Variants in DCC observed in about 807,000 individuals in gnomAD.
The protein encoded by DCC is DCC netrin 1 receptor, also known as netrin receptor DCC.
In DCC, 58 loss-of-function variants were observed where a neutral mutation model predicts 172.5. The observed-to-expected ratio is 0.34, with a 90% CI of 0.27 to 0.42. The LOEUF (loss-of-function observed/expected upper bound fraction) is 0.42, where lower values mean the gene tolerates loss of function less well. DCC is among the 10% of genes least tolerant of loss of function. The pLI, the probability that DCC is intolerant of heterozygous loss-of-function variation, is 1.00. For missense variants in DCC, 1,740 were observed against 1,791.0 expected (o/e 0.97, Z 0.51); for synonymous variants, 709 against 644.5 (o/e 1.10, Z -1.52).
At chr18:53,073,963 TACTA>T (rs2042689818) in intron 7 of DCC, among the ~76,000 whole-genome samples, 1 of 151,822 alleles carries the variant, frequency 6.6e-6, no homozygotes, top group African/African-American at 2.4e-5. Context: ...GATTCTGACA[TACTA>T]ACTTCACTGA....
chr18:52,598,025 G>A (rs1296230276), intron 1 of DCC, among the ~76,000 whole-genome samples: 1 of 152,122 alleles, frequency 6.6e-6, no homozygotes, highest in African/African-American at 2.4e-5. Flanking sequence ...TTGCATGTTA[G>A]GCAGTATAAC....
intron 14 of DCC, among the ~76,000 whole-genome samples, chr18:53,334,973 A>G (rs751612615): frequency 6.6e-6 from 1 of 152,170 alleles, no homozygotes; most frequent in South Asian, 2.1e-4. Flanking sequence ...TTGCAGGATC[A>G]TATGTTAATT....
intron 1 of DCC, among the ~76,000 whole-genome samples, chr18:52,549,951 G>A (rs1216323873): frequency 1.3e-5 from 2 of 151,858 alleles, no homozygotes; most frequent in South Asian, 2.1e-4. Flanking sequence ...CTTCCTCAGT[G>A]TAGTGTTTAA....
chr18:52,776,661 C>G (rs2037440393), intron 2 of DCC, among the ~76,000 whole-genome samples: 1 of 152,072 alleles, frequency 6.6e-6, no homozygotes, highest in Non-Finnish European at 1.5e-5. Context: ...AGTGGATCTA[C>G]TATACGATTT....
chr18:52,958,076 A>G (rs377481366), intron 5 of DCC, among the ~76,000 whole-genome samples: 1 of 152,094 alleles, frequency 6.6e-6, no homozygotes, highest in Admixed American at 6.6e-5. Context: ...AAAGCACACA[A>G]AAAAAATGGA....
chr18:53,511,419 G>A (rs891049433), intron 27 of DCC, among the ~76,000 whole-genome samples: 2 of 152,204 alleles, frequency 1.3e-5, no homozygotes, highest in Non-Finnish European at 2.9e-5. Flanking sequence ...CTTAACAAAT[G>A]CAATTCTTGT....
At chr18:53,490,213 A>C (rs895282221) in intron 26 of DCC, among the ~76,000 whole-genome samples, 4 of 146,540 alleles carry the variant, frequency 2.7e-5, no homozygotes, top group Non-Finnish European at 5.9e-5. Context: ...AGTAATCTCT[A>C]GGGTATTTTA....
At chr18:52,619,942 G>A (rs745396103) in intron 1 of DCC, among the ~76,000 whole-genome samples, 20 of 152,092 alleles carry the variant, frequency 1.3e-4, no homozygotes, top group South Asian at 4.1e-4. Context: ...AAATTACTAC[G>A]TACTGTGCTG....
chr18:53,125,298 C>CT (rs1409532729), intron 7 of DCC, among the ~76,000 whole-genome samples: 1 of 151,966 alleles, frequency 6.6e-6, no homozygotes, highest in East Asian at 1.9e-4. Flanking sequence ...CAGAGAATTT[C>CT]TTCTCCCATT....
chr18:52,863,370 AT>A (rs1357708260), intron 2 of DCC, among the ~76,000 whole-genome samples: 1 of 151,866 alleles, frequency 6.6e-6, no homozygotes, highest in Admixed American at 6.5e-5. Context: ...ACTGTCAGTC[AT>A]GTACTAACAA....
chr18:53,492,183 G>A (rs1458822525), intron 26 of DCC, among the ~76,000 whole-genome samples: 1 of 151,962 alleles, frequency 6.6e-6, no homozygotes, highest in African/African-American at 2.4e-5. Flanking sequence ...ATTTGTTTAA[G>A]TGCTTTGTAG....
At chr18:52,907,675 G>A (rs531451232) in intron 3 of DCC, among the ~76,000 whole-genome samples, 1 of 151,962 alleles carries the variant, frequency 6.6e-6, no homozygotes, top group East Asian at 1.9e-4. Flanking sequence ...CTCAGCCTCC[G>A]CCTCCCAAAT....
chr18:52,532,714 T>C (rs2032185917), intron 1 of DCC, among the ~76,000 whole-genome samples: 1 of 147,844 alleles, frequency 6.8e-6, no homozygotes, highest in Non-Finnish European at 1.5e-5. Context: ...CTATAAACTG[T>C]TTTTTTTTCT....
At chr18:52,391,556 TG>T (rs1986031703) in intron 1 of DCC, among the ~76,000 whole-genome samples, 1 of 152,156 alleles carries the variant, frequency 6.6e-6, no homozygotes, top group South Asian at 2.1e-4. Context: ...ACAGGCTATC[TG>T]GGTCTTTGTC....
intron 27 of DCC, among the ~76,000 whole-genome samples, chr18:53,507,144 T>C (rs544284442): frequency 6.6e-6 from 1 of 151,390 alleles, no homozygotes; most frequent in South Asian, 2.1e-4. Flanking sequence ...ATTTTGAGAC[T>C]CATGGTATAC....
At chr18:53,255,156 C>T (rs138435298) in intron 12 of DCC, among the ~76,000 whole-genome samples, 1 of 152,056 alleles carries the variant, frequency 6.6e-6, no homozygotes, top group Non-Finnish European at 1.5e-5. Context: ...ATCAGAATCC[C>T]AGGCCTTTCG....
At chr18:53,083,085 CA>C (rs912784153) in intron 7 of DCC, among the ~76,000 whole-genome samples, 2 of 151,758 alleles carry the variant, frequency 1.3e-5, no homozygotes, top group African/African-American at 4.8e-5. Context: ...CCAGAACAAA[CA>C]AAAAAACAAC....
chr18:52,933,607 C>T (rs2040340295), intron 5 of DCC, among the ~76,000 whole-genome samples: 1 of 151,928 alleles, frequency 6.6e-6, no homozygotes, highest in African/African-American at 2.4e-5. Context: ...GTATTTTGCT[C>T]ATGTGGTTAG....
intron 23 of DCC, among the ~76,000 whole-genome samples, chr18:53,452,749 T>C (rs1353232183): frequency 6.6e-6 from 1 of 152,226 alleles, no homozygotes; most frequent in African/African-American, 2.4e-5. Flanking sequence ...CTTTTAATAG[T>C]TACTTGTGTT....
Sources: gnomAD v4.1 joint callset for allele counts (sites outside exome capture counted in the v4.1 genomes callset) on GRCh38, gnomAD v4.1.1 for gene constraint, MANE v1.5 for transcripts, NCBI Gene and HGNC (gene_info 2026-07-23, HGNC 2026-07-21) for gene names.